PAPPA: variants seen among roughly 807,000 people sequenced by gnomAD.
The protein encoded by PAPPA is pappalysin 1.
PAPPA carries 60 observed loss-of-function variants against 164.0 expected under a neutral mutation model. That is an observed-to-expected ratio of 0.37 (90% CI 0.30 to 0.45). PAPPA has a LOEUF of 0.45. PAPPA is among the 20% of genes least tolerant of loss of function. The pLI, the probability that PAPPA is intolerant of heterozygous loss-of-function variation, is 1.00. For missense variants in PAPPA, 1,782 were observed against 2,087.3 expected (o/e 0.85, Z 2.85); for synonymous variants, 875 against 814.1 (o/e 1.07, Z -1.27).
rs554839093 is a variant in PAPPA at position 116,204,920 on chromosome 9, A to G, written c.1479-2536A>G. 5.1e-4 allele frequency among the ~76,000 whole-genome samples: 78 copies of G among 152,192 alleles called. 1 individual carries two copies. Among genetic ancestry groups the G allele is most frequent in the Admixed American group, 2.1e-3 (32 of 15,290 alleles). On this transcript the variant is annotated intron_variant, in intron 2 of 21. Coordinates refer to ENST00000328252, the MANE Select transcript of PAPPA (RefSeq NM_002581.5). ...TGAAAAAAAAAAATCCTTTCAAGGC[A>G]TAGGGGTAGGGAGGTAAATACCCAC... is the stretch of plus-strand genomic sequence containing the variant.
intron 1 of PAPPA, among the ~76,000 whole-genome samples, chr9:116,164,277 CCTT>C (rs1427692789): frequency 1.4e-4 from 22 of 152,324 alleles, no homozygotes; most frequent in Admixed American, 1.3e-3. Context: ...TCAACTCCCT[CCTT>C]CTTCTCTCTC....
intron 17 of PAPPA, among the ~76,000 whole-genome samples, chr9:116,357,689 T>C (rs1404019164): frequency 6.6e-6 from 1 of 152,186 alleles, no homozygotes; most frequent in Non-Finnish European, 1.5e-5. Context: ...TTAATCCAGC[T>C]CAGATGGCCC....
chr9:116,187,544 T>C lies in PAPPA; in HGVS notation c.806T>C (p.Leu269Pro). The C allele has an allele frequency of 6.2e-7, 1 of 1,614,208 alleles. No homozygotes were observed. The highest frequency in any genetic ancestry group is 8.5e-7 in the Non-Finnish European group (1 of 1,180,046). ...WKVARTQREI[L>P]SDMETHGAHT... ...GTGGCCAGGACTCAGCGGGAGATACTGTCTGACATGGAAACCCATGGCGCC... is the reference window on the plus strand; with the variant it reads ...GTGGCCAGGACTCAGCGGGAGATACCGTCTGACATGGAAACCCATGGCGCC... Residue 269 changes from leucine (L) to proline (P), a missense_variant, in exon 2 of 22, where the codon CTG becomes CCG. Physicochemically the swap from Leu to Pro is moderately conservative, Grantham distance 98. Coordinates refer to ENST00000328252, the MANE Select transcript of PAPPA (RefSeq NM_002581.5). The surrounding 1 kb of genome is among the most constrained non-coding windows in gnomAD (Gnocchi z 4.2).
chr9:116,160,173 G>A (rs1036361216), intron 1 of PAPPA, among the ~76,000 whole-genome samples: 13 of 152,180 alleles, frequency 8.5e-5, no homozygotes, highest in African/African-American at 2.4e-4. Flanking sequence ...AAGGGTAAAC[G>A]ATGTTCCCTG....
chr9:116,163,959 T>C (rs1220066661), intron 1 of PAPPA, among the ~76,000 whole-genome samples: 1 of 152,220 alleles, frequency 6.6e-6, no homozygotes. Flanking sequence ...GAATCCATCC[T>C]ATTAATAATA....
intron 20 of PAPPA, among the ~76,000 whole-genome samples, chr9:116,381,717 G>A (rs1846733988): frequency 6.6e-6 from 1 of 152,356 alleles, no homozygotes; most frequent in Middle Eastern, 3.4e-3. Flanking sequence ...GTGCCAATGT[G>A]ATTTTGGGCA....
At chr9:116,323,553 A>AAGAG (rs137903021) in intron 10 of PAPPA, among the ~76,000 whole-genome samples, 4 of 151,608 alleles carry the variant, frequency 2.6e-5, no homozygotes, top group South Asian at 4.2e-4. Flanking sequence ...AAAAGAAAGA[A>AAGAG]AGAGAGAGAG....
At chr9:116,373,782 C>T (rs1233667247) in intron 19 of PAPPA, 1 of 152,260 alleles carries the variant, frequency 6.6e-6, no homozygotes, top group East Asian at 1.9e-4. Flanking sequence ...AAAGCCTAGA[C>T]CTTAAAACCA....
In PAPPA at chr9:116,154,145, G is replaced by C. The variant is rs1035451711; in HGVS notation, c.-28G>C. The C allele has an allele frequency of 4.1e-6, 4 of 966,506 alleles. No homozygotes were observed. Among genetic ancestry groups the C allele is most frequent in the Middle Eastern group, 4.1e-4 (1 of 2,440 alleles). 59.9% of individuals were successfully genotyped at this position (966,506 alleles called of 1,614,324 possible). On this transcript the variant is annotated 5_prime_UTR_variant, in exon 1 of 22. Transcript: ENST00000328252. The surrounding 1 kb of genome is among the most constrained non-coding windows in gnomAD (Gnocchi z 5.2). ...CAGCTCCGGGTGGCGGTGCAGGGGC[G>C]AAGGGGGGGCGGGGGGAACCGTCGG...
intron 7 of PAPPA, among the ~76,000 whole-genome samples, chr9:116,264,305 C>T (rs1331141): frequency 0.82 from 124,721 of 152,218 alleles, 51,573 homozygotes; most frequent in East Asian, 1. Context: ...ACAACCATCA[C>T]TCATGCATAA....
chr9:116,163,882 C>G (rs1843694894), intron 1 of PAPPA, among the ~76,000 whole-genome samples: 1 of 152,124 alleles, frequency 6.6e-6, no homozygotes, highest in Non-Finnish European at 1.5e-5. Flanking sequence ...AGCAATGTAA[C>G]AGTGGTAGAA....
At position 116,176,158 on chromosome 9, in the gene PAPPA, G is replaced by A. The variant is rs76451628; in HGVS notation, c.416-10996G>A. 6.2e-3 allele frequency among the ~76,000 whole-genome samples: 947 copies of A among 152,290 alleles called. 36 individuals are homozygous for A. The East Asian group carries it at 0.11, about 17-fold the overall frequency. On this transcript the variant is annotated intron_variant, in intron 1 of 21. Transcript: ENST00000328252. ...AAAAGAGAAAAGGACAGGGACAATA[G>A]GGAGACATTTCTACCTGTAGGAAAC...
chr9:116,263,138 A>C (rs1016664611), intron 7 of PAPPA, among the ~76,000 whole-genome samples: 1 of 152,172 alleles, frequency 6.6e-6, no homozygotes, highest in Non-Finnish European at 1.5e-5. Flanking sequence ...CTTCTGGAAA[A>C]CAATGAAATA....
intron 10 of PAPPA, among the ~76,000 whole-genome samples, chr9:116,309,019 C>T (rs1483948673): frequency 6.6e-6 from 1 of 151,774 alleles, no homozygotes; most frequent in Non-Finnish European, 1.5e-5. Flanking sequence ...ATGTGCTATA[C>T]ATAGGAAACC....
intron 7 of PAPPA, among the ~76,000 whole-genome samples, chr9:116,249,162 A>G (rs747521937): frequency 6.6e-6 from 1 of 152,244 alleles, no homozygotes; most frequent in Admixed American, 6.5e-5. Flanking sequence ...ATGTGAAAGT[A>G]AACACATAAA....
Position 116,243,999 on chromosome 9 carries a change from G to A in PAPPA, c.2732+8362G>A, listed in dbSNP as rs547995372. Among the ~76,000 whole-genome samples, 42 of 152,214 alleles carry A rather than the reference G, an allele frequency of 2.8e-4. No homozygotes were observed. The Middle Eastern group carries it at 0.014, about 49-fold the overall frequency. On this transcript the variant is annotated intron_variant, in intron 7 of 21. Coordinates refer to ENST00000328252, the MANE Select transcript of PAPPA (RefSeq NM_002581.5). ...ACTGCTCTTAGCTCAGGCCAGGGGA[G>A]CACATAGTCAGCACAATCTCACTCT...
chr9:116,296,163 G>A (rs1177026050), intron 9 of PAPPA, among the ~76,000 whole-genome samples: 1 of 152,168 alleles, frequency 6.6e-6, no homozygotes, highest in Non-Finnish European at 1.5e-5. Context: ...CAATCCCAAG[G>A]TTTGAGGAAA....
intron 7 of PAPPA, among the ~76,000 whole-genome samples, chr9:116,263,350 G>T (rs1845026224): frequency 6.6e-6 from 1 of 152,264 alleles, no homozygotes; most frequent in African/African-American, 2.4e-5. Flanking sequence ...AAGCTGCCAG[G>T]CACTGGGGGT....
rs370576039 is a variant in PAPPA at position 116,390,453 on chromosome 9, G to A, written c.4777-6056G>A. 1.4e-4 allele frequency among the ~76,000 whole-genome samples: 21 copies of A among 152,240 alleles called. No individual in the cohort carries two copies. The South Asian group carries it at 3.5e-3, about 26-fold the overall frequency. ...AAGATAAGCCTAGATGGATAAGCAA[G>A]GCTTTTATCACCCAAGCCAGGGAGA... On this transcript the variant is annotated intron_variant, in intron 21 of 21. Transcript: ENST00000328252.
Sources: allele counts gnomAD v4.1 joint callset (sites outside exome capture counted in the v4.1 genomes callset), GRCh38; gene constraint gnomAD v4.1.1; non-coding constraint Gnocchi (gnomAD v3.1); transcripts MANE v1.5; gene names NCBI Gene and HGNC (gene_info 2026-07-23, HGNC 2026-07-21).